The following LINGO2 variants were observed in gnomAD, a reference collection of about 807,000 sequenced individuals.
LINGO2 encodes leucine rich repeat and Ig domain containing 2.
In LINGO2, 14 loss-of-function variants were observed where a neutral mutation model predicts 30.6. The ratio of observed to expected loss-of-function variants is 0.46; its 90% CI spans 0.30 to 0.72. The LOEUF (loss-of-function observed/expected upper bound fraction) is 0.72. Ranked by LOEUF, LINGO2 falls within the 30% of genes least tolerant of loss-of-function variation. The pLI is 0.07. For missense variants in LINGO2, 729 were observed against 751.7 expected (o/e 0.97, Z 0.35); for synonymous variants, 317 against 288.5 (o/e 1.10, Z -1.00).
Position 28,583,409 on chromosome 9 carries a change from T to G in LINGO2, c.-365+86791A>C, listed in dbSNP as rs1450649132. 9.2e-5 allele frequency among the ~76,000 whole-genome samples: 14 copies of G among 152,116 alleles called. No homozygotes were observed. In the East Asian group the frequency reaches 2.7e-3, roughly 30 times the overall value. On this transcript the variant is annotated intron_variant, in intron 1 of 5. Coordinates refer to ENST00000379992, the Ensembl canonical transcript of LINGO2. The stretch of plus-strand genomic sequence containing the variant: ...TATAAAAATCTAAATGTCTCATCTT[T>G]TTCATAACGTAGCCACAATGCAAGT...
intron 4 of LINGO2, among the ~76,000 whole-genome samples, chr9:28,277,896 T>C (rs1823183716): frequency 6.8e-6 from 1 of 147,520 alleles, no homozygotes; most frequent in East Asian, 2.0e-4. Flanking sequence ...GAGAAAGGTA[T>C]GTGGAAAGTC....
intron 1 of LINGO2, among the ~76,000 whole-genome samples, chr9:28,493,258 C>T (rs1826472122): frequency 6.6e-6 from 1 of 152,142 alleles, no homozygotes; most frequent in Non-Finnish European, 1.5e-5. Context: ...AATACTTCCA[C>T]CTACATTTCT....
Position 27,966,943 on chromosome 9 carries a change from T to A in LINGO2, c.-35-16237A>T, listed in dbSNP as rs148471574. ...CTGGAGAAGAATTCTGTTAAGTAGTTTTCCCTTGCAGATTCTTCAATTTTA... is the reference window on the plus strand; with the variant it reads ...CTGGAGAAGAATTCTGTTAAGTAGTATTCCCTTGCAGATTCTTCAATTTTA... On this transcript the variant is annotated intron_variant, in intron 5 of 5. Coordinates refer to ENST00000379992, the Ensembl canonical transcript of LINGO2. Among the ~76,000 whole-genome samples, 885 of 152,238 alleles carry A rather than the reference T, an allele frequency of 5.8e-3. 6 individuals carry two copies. Among genetic ancestry groups the A allele is most frequent in the African/African-American group, 0.02 (850 of 41,550 alleles).
At chr9:28,756,715 G>A in the LINGO2 span, among the ~76,000 whole-genome samples, 5 of 151,848 alleles carry the variant, frequency 3.3e-5, no homozygotes, top group African/African-American at 1.2e-4. Flanking sequence ...GGTTCTGATG[G>A]TTTTATTAAG....
At chr9:28,013,583 C>T (rs561707631) in intron 4 of LINGO2, among the ~76,000 whole-genome samples, 1 of 152,114 alleles carries the variant, frequency 6.6e-6, no homozygotes, top group African/African-American at 2.4e-5. Flanking sequence ...GTGGCAAAGA[C>T]GGGGAGTGAA....
At position 28,088,561 on chromosome 9, in the gene LINGO2, A is replaced by G. The variant is rs183013850; in HGVS notation, c.-86-76156T>C. Among the ~76,000 whole-genome samples the G allele has an allele frequency of 1.7e-4, 26 of 152,098 alleles. No homozygotes were observed. The East Asian group carries it at 4.7e-3, about 27-fold the overall frequency. On this transcript the variant is annotated intron_variant, in intron 4 of 5. Transcript: ENST00000379992. Reference sequence around the variant, plus strand: ...TATCCCAGGTCTAAGTCCTCTGGGTACTGACAGAAACACATATTGTGCAAC... The same window carrying G: ...TATCCCAGGTCTAAGTCCTCTGGGTGCTGACAGAAACACATATTGTGCAAC...
At chr9:28,458,501 C>T (rs2135108529) in intron 2 of LINGO2, among the ~76,000 whole-genome samples, 1 of 152,308 alleles carries the variant, frequency 6.6e-6, no homozygotes, top group African/African-American at 2.4e-5. Flanking sequence ...AACTGAGTCA[C>T]TGTTAATATA....
intron 1 of LINGO2, among the ~76,000 whole-genome samples, chr9:28,494,777 C>T (rs1819532545): frequency 6.6e-6 from 1 of 152,128 alleles, no homozygotes; most frequent in Admixed American, 6.5e-5. Flanking sequence ...GTTCTAGATC[C>T]TTGAGGAATC....
At chr9:28,675,383 T>C in the LINGO2 span, among the ~76,000 whole-genome samples, 3 of 152,276 alleles carry the variant, frequency 2.0e-5, no homozygotes, top group Non-Finnish European at 4.4e-5. Context: ...TTCAGTGTTT[T>C]ATTTTCAATA....
In LINGO2 at chr9:28,308,184, T is replaced by C. The variant is rs953653184; in HGVS notation, c.-245-12818A>G. Among the ~76,000 whole-genome samples, 41 of 127,796 alleles carry C rather than the reference T, an allele frequency of 3.2e-4. 7 individuals are homozygous for C. In the Middle Eastern group the frequency reaches 0.016, roughly 48 times the overall value. 83.8% of individuals were successfully genotyped at this position (127,796 alleles called of 152,430 possible). Reference sequence around the variant, plus strand: ...CACGCTACCTGACTTCAAAGTATACTACAAGGCTACAGTAACCAAAACAGC... The same window carrying C: ...CACGCTACCTGACTTCAAAGTATACCACAAGGCTACAGTAACCAAAACAGC... On this transcript the variant is annotated intron_variant, in intron 3 of 5. Coordinates refer to ENST00000379992, the Ensembl canonical transcript of LINGO2.
chr9:28,034,212 G>A (rs1208167451), intron 4 of LINGO2, among the ~76,000 whole-genome samples: 1 of 152,206 alleles, frequency 6.6e-6, no homozygotes, highest in Non-Finnish European at 1.5e-5. Context: ...GCTCCCCAGT[G>A]TACATCTTGT....
At chr9:28,881,000 A>T in the LINGO2 span, among the ~76,000 whole-genome samples, 1 of 152,052 alleles carries the variant, frequency 6.6e-6, no homozygotes, top group Non-Finnish European at 1.5e-5. Flanking sequence ...CTGCTCTCCG[A>T]CTACATTCCT....
the LINGO2 span, among the ~76,000 whole-genome samples, chr9:29,036,900 C>T: frequency 7.9e-5 from 12 of 151,682 alleles, no homozygotes; most frequent in Non-Finnish European, 1.6e-4. Context: ...AATTGTACTT[C>T]CAATGAAATT....
chr9:28,664,643 G>T (rs953514028), intron 1 of LINGO2, among the ~76,000 whole-genome samples: 1 of 151,994 alleles, frequency 6.6e-6, no homozygotes, highest in Non-Finnish European at 1.5e-5. Context: ...TCATCAAATG[G>T]CTATCGCACA....
At chr9:28,551,468 T>C (rs1275688072) in intron 1 of LINGO2, among the ~76,000 whole-genome samples, 7 of 152,004 alleles carry the variant, frequency 4.6e-5, no homozygotes, top group Admixed American at 4.6e-4. Context: ...GGTAGGGTTT[T>C]AGGTGATTTA....
At chr9:28,676,854 T>C in the LINGO2 span, among the ~76,000 whole-genome samples, 1 of 152,218 alleles carries the variant, frequency 6.6e-6, no homozygotes, top group Non-Finnish European at 1.5e-5. Context: ...TTTAAACTTT[T>C]AAAAGTTGAA....
intron 2 of LINGO2, among the ~76,000 whole-genome samples, chr9:28,395,016 G>A (rs1018796144): frequency 6.6e-6 from 1 of 152,164 alleles, no homozygotes; most frequent in South Asian, 2.1e-4. Flanking sequence ...TAGATTACCA[G>A]AGTTCAAACA....
At chr9:28,727,080 T>A in the LINGO2 span, among the ~76,000 whole-genome samples, 1 of 152,152 alleles carries the variant, frequency 6.6e-6, no homozygotes, top group Non-Finnish European at 1.5e-5. Flanking sequence ...TGCATGCAAA[T>A]ATAAGAATGT....
chr9:28,463,429 AAAG>A (rs1407304377), intron 2 of LINGO2, among the ~76,000 whole-genome samples: 1 of 152,086 alleles, frequency 6.6e-6, no homozygotes, highest in Non-Finnish European at 1.5e-5. Context: ...AAAAATGAGA[AAAG>A]TGTTCACCTG....
Sources: allele counts gnomAD v4.1 joint callset (sites outside exome capture counted in the v4.1 genomes callset), GRCh38; gene constraint gnomAD v4.1.1; transcripts MANE v1.5; gene names NCBI Gene and HGNC (gene_info 2026-07-23, HGNC 2026-07-21).